Variants in B3GLCT observed in about 807,000 individuals in gnomAD.
B3GLCT encodes beta 3-glucosyltransferase, also known as beta-1,3-glucosyltransferase.
A neutral mutation model predicts 63.4 loss-of-function variants in B3GLCT; 65 were observed. The ratio of observed to expected loss-of-function variants is 1.03; its 90% CI spans 0.84 to 1.26. B3GLCT has a LOEUF of 1.26. Among genes scored for constraint, B3GLCT ranks in the 50% most tolerant of loss-of-function variants. B3GLCT has a pLI of 0.00. For missense variants in B3GLCT, 577 were observed against 604.8 expected, an observed-to-expected ratio of 0.95 and a Z score of 0.48; for synonymous variants, 233 against 219.2, an observed-to-expected ratio of 1.06 and a Z score of -0.55.
At chr13:31,271,316 A>G (rs578108309) in intron 8 of B3GLCT, among the ~76,000 whole-genome samples, 1 of 152,310 alleles carries the variant, frequency 6.6e-6, no homozygotes, top group South Asian at 2.1e-4. Flanking sequence ...ACTTATTTTT[A>G]CTTTCTATAG....
intron 6 of B3GLCT, among the ~76,000 whole-genome samples, chr13:31,249,380 T>C (rs371719058): frequency 6.6e-6 from 1 of 151,702 alleles, no homozygotes; most frequent in African/African-American, 2.4e-5. Flanking sequence ...ACCTGTCTCA[T>C]CCAGTCTTTT....
intron 8 of B3GLCT, among the ~76,000 whole-genome samples, chr13:31,270,020 A>G (rs1872514181): frequency 6.6e-6 from 1 of 152,208 alleles, no homozygotes; most frequent in African/African-American, 2.4e-5. Flanking sequence ...CTGGAGCAGA[A>G]TTGAGCCTAT....
At chr13:31,318,638 T>G (rs1875179013) in intron 13 of B3GLCT, among the ~76,000 whole-genome samples, 1 of 152,142 alleles carries the variant, frequency 6.6e-6, no homozygotes, top group Non-Finnish European at 1.5e-5. Context: ...CAGGGAGGCC[T>G]TTGAAAAGAC....
chr13:31,231,158 G>C (rs1019885045), intron 4 of B3GLCT, among the ~76,000 whole-genome samples: 1 of 152,118 alleles, frequency 6.6e-6, no homozygotes, highest in African/African-American at 2.4e-5. Context: ...AGGCGCTAGT[G>C]GGGTGGCCAC....
intron 13 of B3GLCT, among the ~76,000 whole-genome samples, chr13:31,318,039 G>A (rs1875145348): frequency 1.3e-5 from 2 of 151,936 alleles, no homozygotes; most frequent in Non-Finnish European, 2.9e-5. Context: ...ATTAAATTAT[G>A]TAATGCTTAA....
In B3GLCT at chr13:31,284,730, T is replaced by C; in HGVS notation, c.933T>C (p.Thr311=). 6.2e-7 allele frequency: 1 copy of C among 1,604,044 alleles called. No individual in the cohort carries two copies. The highest frequency in any genetic ancestry group is 8.5e-7 in the Non-Finnish European group (1 of 1,170,828). ...ACTATACTGAAAATTCCATTCCTACTGTGGATTTGGGAATTCCTAATACAG... is the reference window on the plus strand; with the variant it reads ...ACTATACTGAAAATTCCATTCCTACCGTGGATTTGGGAATTCCTAATACAG... ...YSDYTENSIP[T]VDLGIPNTDR... The change falls in exon 11 of 15, where the codon ACT becomes ACC. Residue 311 remains threonine, a synonymous_variant. Transcript: ENST00000343307.
At position 31,302,291 on chromosome 13, in the gene B3GLCT, C is replaced by T. The variant is rs538403737; in HGVS notation, c.1065-15275C>T. 8.5e-5 allele frequency among the ~76,000 whole-genome samples: 13 copies of T among 152,262 alleles called. No homozygotes were observed. The East Asian group carries it at 2.5e-3, about 29-fold the overall frequency. ...ACGGTCATATTCAGTGGGTGAATAT[C>T]CCAGTTATCATAAAGCTAGTCCCGG... On this transcript the variant is annotated intron_variant, in intron 12 of 14. Coordinates refer to ENST00000343307, the MANE Select transcript of B3GLCT (RefSeq NM_194318.4).
intron 12 of B3GLCT, among the ~76,000 whole-genome samples, chr13:31,289,671 TATA>T (rs1873543996): frequency 6.6e-6 from 1 of 152,028 alleles, no homozygotes; most frequent in African/African-American, 2.4e-5. Flanking sequence ...GAATAAGCCT[TATA>T]GATAAAGGGG....
intron 6 of B3GLCT, among the ~76,000 whole-genome samples, chr13:31,258,189 G>T (rs1326052517): frequency 6.6e-6 from 1 of 152,182 alleles, no homozygotes; most frequent in Non-Finnish European, 1.5e-5. Flanking sequence ...ACTTCATACT[G>T]TTGCTTATCT....
intron 14 of B3GLCT, among the ~76,000 whole-genome samples, chr13:31,325,091 A>C (rs148571673): frequency 7.7e-4 from 117 of 152,334 alleles, no homozygotes; most frequent in African/African-American, 2.5e-3. Flanking sequence ...TATACTATAG[A>C]AAACAACTCG....
intron 4 of B3GLCT, 72 bp from the exon 5 acceptor site, chr13:31,246,951 C>CTTTTTTTTTTTTTTTTTCTTTT: frequency 3.9e-6 from 3 of 778,770 alleles, no homozygotes; most frequent in East Asian, 3.1e-5. Flanking sequence ...CTTTTCTTTT[C>CTTTTTTTTTTTTTTTTTCTTTT]TTTTTTTTTT....
At position 31,323,844 on chromosome 13, in the gene B3GLCT, G is replaced by A. The variant is rs773548108; in HGVS notation, c.1278G>A (p.Met426Ile). The A allele has an allele frequency of 6.2e-7, 1 of 1,614,206 alleles. No individual in the cohort carries two copies. The highest frequency in any genetic ancestry group is 8.5e-7 in the Non-Finnish European group (1 of 1,180,018). Residue 426 changes from methionine (M) to isoleucine (I), a missense_variant, in exon 14 of 15, where the codon ATG becomes ATA. Transcript: ENST00000343307. ...NDAPDDMVLG[M>I]CFSGLGIPVT... Reference sequence around the variant, plus strand: ...CTCCCGATGATATGGTCCTGGGAATGTGCTTTAGTGGCTTGGGAATCCCTG... The same window carrying A: ...CTCCCGATGATATGGTCCTGGGAATATGCTTTAGTGGCTTGGGAATCCCTG...
chr13:31,229,139 A>G, intron 3 of B3GLCT, 46 bp from the exon 4 acceptor site: 1 of 1,244,608 alleles, frequency 8.0e-7, no homozygotes, highest in Non-Finnish European at 1.2e-6. Context: ...TTATTTTAAT[A>G]ATTTTGTAAA....
rs1160132648 is a variant in B3GLCT at position 31,330,285 on chromosome 13, T to C, written c.*617T>C. On this transcript the variant is annotated 3_prime_UTR_variant, in exon 15 of 15. Coordinates refer to ENST00000343307, the MANE Select transcript of B3GLCT (RefSeq NM_194318.4). ...CATGGTGGTTATGTTTTGTCTATTC[T>C]TTTGCTGTTTGTGCCTCATAAAAAG... The C allele has an allele frequency of 6.6e-6, 1 of 152,404 alleles. No homozygotes were observed. The highest frequency in any genetic ancestry group is 1.5e-5 in the Non-Finnish European group (1 of 68,214). 9.4% of individuals were successfully genotyped at this position (152,404 alleles called of 1,614,324 possible). A position where few individuals can be genotyped will look rare whatever the true frequency, so the allele number is the denominator to read the frequency against.
rs1037676270 is a variant in B3GLCT at position 31,265,957 on chromosome 13, A to G, written c.597-3257A>G. On this transcript the variant is annotated intron_variant, in intron 7 of 14. Transcript: ENST00000343307. ...TCAGTCATTTGCACATCTGTAGCCT[A>G]GGTGGTTGTGTCATTAGAACTGTGC... Among the ~76,000 whole-genome samples, 9 of 152,202 alleles carry G rather than the reference A, an allele frequency of 5.9e-5. No individual in the cohort carries two copies. The East Asian group carries it at 1.7e-3, about 29-fold the overall frequency.
chr13:31,200,567 C>G (rs549177440), intron 1 of B3GLCT, among the ~76,000 whole-genome samples: 3 of 151,122 alleles, frequency 2.0e-5, no homozygotes, highest in South Asian at 2.1e-4. Context: ...GTCCCGCCCC[C>G]CTGCCTTCCG....
intron 12 of B3GLCT, among the ~76,000 whole-genome samples, chr13:31,315,838 G>A (rs1205862458): frequency 6.6e-6 from 1 of 152,234 alleles, no homozygotes; most frequent in Non-Finnish European, 1.5e-5. Context: ...GGGCCCCACT[G>A]CTCTATGCAG....
chr13:31,288,983 G>A (rs1873500179), intron 12 of B3GLCT, among the ~76,000 whole-genome samples: 1 of 151,774 alleles, frequency 6.6e-6, no homozygotes, highest in Non-Finnish European at 1.5e-5. Flanking sequence ...CTGAAAACCA[G>A]TACAAAAATA....
chr13:31,316,620 CT>C, intron 12 of B3GLCT, among the ~76,000 whole-genome samples: 1 of 151,384 alleles, frequency 6.6e-6, no homozygotes. Flanking sequence ...TATTTACCCC[CT>C]GTATCCCCAT....
Sources: allele counts gnomAD v4.1 joint callset (sites outside exome capture counted in the v4.1 genomes callset), GRCh38; gene constraint gnomAD v4.1.1; transcripts MANE v1.5; gene names NCBI Gene and HGNC (gene_info 2026-07-23, HGNC 2026-07-21).